The following AFF3 variants were observed in gnomAD, a reference collection of about 807,000 sequenced individuals.
AFF3 encodes the protein AF4/FMR2 family member 3.
Under a neutral mutation model 129.7 loss-of-function variants are expected in AFF3, and 32 were observed. That is an observed-to-expected ratio of 0.25 (90% confidence interval 0.19 to 0.33). The LOEUF (loss-of-function observed/expected upper bound fraction) is 0.33, where lower values mean the gene tolerates loss of function less well. Among genes scored for constraint, AFF3 ranks in the 10% least tolerant of loss-of-function variants. AFF3 has a pLI of 1.00. For missense variants in AFF3, 1,373 were observed against 1,592.0 expected, an observed-to-expected ratio of 0.86 and a Z score of 2.34; for synonymous variants, 644 against 635.4, an observed-to-expected ratio of 1.01 and a Z score of -0.20.
At chr2:100,063,747 A>G (rs1168969674) in intron 4 of AFF3, among the ~76,000 whole-genome samples, 2 of 152,198 alleles carry the variant, frequency 1.3e-5, no homozygotes, top group Non-Finnish European at 2.9e-5. Flanking sequence ...AGATGTTTCC[A>G]GGAGTGTTAA....
At chr2:100,019,215 C>T (rs1683385360) in intron 4 of AFF3, among the ~76,000 whole-genome samples, 1 of 152,120 alleles carries the variant, frequency 6.6e-6, no homozygotes, top group Non-Finnish European at 1.5e-5. Flanking sequence ...TCATGCTCTT[C>T]CCGAATCCAA....
At chr2:100,000,457 C>T (rs1428577169) in intron 7 of AFF3, among the ~76,000 whole-genome samples, 1 of 152,066 alleles carries the variant, frequency 6.6e-6, no homozygotes, top group African/African-American at 2.4e-5. Context: ...TTCAAGATTT[C>T]AGTTATTTCT....
chr2:100,006,419 G>A (rs1681975971), intron 7 of AFF3: 2 of 569,130 alleles, frequency 3.5e-6, no homozygotes, highest in Non-Finnish European at 5.7e-6. Flanking sequence ...AACTGCATTT[G>A]CTGGAACTCT....
At chr2:99,943,185 C>T (rs1675223554) in intron 7 of AFF3, among the ~76,000 whole-genome samples, 1 of 152,094 alleles carries the variant, frequency 6.6e-6, no homozygotes, top group South Asian at 2.1e-4. Context: ...AGAGCAACAG[C>T]CCCCAGGATC....
chr2:100,056,422 T>C (rs1686792347), intron 4 of AFF3, among the ~76,000 whole-genome samples: 2 of 152,186 alleles, frequency 1.3e-5, no homozygotes, highest in African/African-American at 4.8e-5. Context: ...AAACCATGCT[T>C]TCCCCCTTGA....
Position 99,606,678 on chromosome 2 carries a change from G to A in AFF3, c.1185-5057C>T, listed in dbSNP as rs1254447868. 3.9e-5 allele frequency among the ~76,000 whole-genome samples: 6 copies of A among 152,134 alleles called. No homozygotes were observed. The East Asian group carries it at 1.2e-3, about 29-fold the overall frequency. Reference sequence around the variant, plus strand: ...CACGTCTGTAATCCCAGCACTTTGGGAAGCCGAGGCGGGAGGATCACGAAG... The same window carrying A: ...CACGTCTGTAATCCCAGCACTTTGGAAAGCCGAGGCGGGAGGATCACGAAG... On this transcript the variant is annotated intron_variant, in intron 13 of 24. Transcript: ENST00000672756.
At chr2:99,981,721 A>G (rs923211325) in intron 7 of AFF3, among the ~76,000 whole-genome samples, 1 of 152,300 alleles carries the variant, frequency 6.6e-6, no homozygotes, top group Middle Eastern at 3.4e-3. Flanking sequence ...ATTGATATAT[A>G]AGAGTACTTC....
At chr2:99,848,251 A>AAAAAAT (rs59558629) in intron 7 of AFF3, among the ~76,000 whole-genome samples, 90,730 of 148,064 alleles carry the variant, frequency 0.61, 28,935 homozygotes, top group South Asian at 0.75. Context: ...CTCTGCCTCA[A>AAAAAAT]AAAAATAAAA....
At chr2:99,629,069 G>T (rs1575547507) in intron 13 of AFF3, among the ~76,000 whole-genome samples, 1 of 151,998 alleles carries the variant, frequency 6.6e-6, no homozygotes, top group East Asian at 1.9e-4. Flanking sequence ...TGTTGGCCAG[G>T]CTGGTCTCAA....
chr2:99,619,853 C>T (rs1221340537), intron 13 of AFF3, among the ~76,000 whole-genome samples: 1 of 152,190 alleles, frequency 6.6e-6, no homozygotes, highest in Non-Finnish European at 1.5e-5. Context: ...CACCACACGC[C>T]CATGACTAAG....
At chr2:99,783,823 GC>G (rs1192122095) in intron 8 of AFF3, among the ~76,000 whole-genome samples, 7 of 152,154 alleles carry the variant, frequency 4.6e-5, no homozygotes, top group African/African-American at 9.7e-5. Flanking sequence ...ACATGACAGG[GC>G]CCCCCTGGAA....
Position 99,984,409 on chromosome 2 carries a change from T to C in AFF3, c.873+22223A>G, listed in dbSNP as rs552155366. ...TTTATGCGAAGTCCTTACTTTAGTA[T>C]GCTAGGAAACATATTGAGAGGAAAT... On this transcript the variant is annotated intron_variant, in intron 7 of 24. Coordinates refer to ENST00000672756, the MANE Select transcript of AFF3 (RefSeq NM_001386135.1). 2.0e-5 allele frequency among the ~76,000 whole-genome samples: 3 copies of C among 152,314 alleles called. No individual in the cohort carries two copies. The South Asian group carries it at 6.2e-4, about 32-fold the overall frequency.
intron 7 of AFF3, among the ~76,000 whole-genome samples, chr2:99,872,834 A>C (rs971089086): frequency 6.6e-6 from 1 of 152,214 alleles, no homozygotes; most frequent in Non-Finnish European, 1.5e-5. Flanking sequence ...CATCAAAAAA[A>C]TTCTTTAAGT....
At chr2:99,813,771 C>T (rs1291031964) in intron 8 of AFF3, among the ~76,000 whole-genome samples, 1 of 152,216 alleles carries the variant, frequency 6.6e-6, no homozygotes, top group Non-Finnish European at 1.5e-5. Flanking sequence ...CTCAACAACT[C>T]TGCTTTATTT....
chr2:99,750,807 T>G (rs1188133620), intron 9 of AFF3, among the ~76,000 whole-genome samples: 1 of 152,194 alleles, frequency 6.6e-6, no homozygotes, highest in Non-Finnish European at 1.5e-5. Context: ...TTAGAGGCAT[T>G]CAAAGAGGCA....
At chr2:99,568,079 G>A (rs1559486240) in intron 19 of AFF3, among the ~76,000 whole-genome samples, 1 of 152,180 alleles carries the variant, frequency 6.6e-6, no homozygotes, top group Non-Finnish European at 1.5e-5. Context: ...GGTAGCATTG[G>A]AAGAGGGGTA....
intron 7 of AFF3, among the ~76,000 whole-genome samples, chr2:99,866,398 A>G (rs1285099845): frequency 6.6e-6 from 1 of 152,220 alleles, no homozygotes; most frequent in Non-Finnish European, 1.5e-5. Flanking sequence ...AAAAAAGCCC[A>G]GCCATGCACT....
intron 7 of AFF3, among the ~76,000 whole-genome samples, chr2:99,932,255 T>C (rs189626010): frequency 3.3e-5 from 5 of 152,300 alleles, no homozygotes; most frequent in Non-Finnish European, 7.4e-5. Flanking sequence ...GTTTATTTTA[T>C]GTGTGGCCCA....
intron 11 of AFF3, among the ~76,000 whole-genome samples, chr2:99,680,438 G>C (rs886920835): frequency 2.0e-5 from 3 of 152,216 alleles, no homozygotes; most frequent in Admixed American, 6.5e-5. Context: ...GCAGACAGCA[G>C]AGGACAGGTC....
Sources: gnomAD v4.1 joint callset for allele counts (sites outside exome capture counted in the v4.1 genomes callset) on GRCh38, gnomAD v4.1.1 for gene constraint, MANE v1.5 for transcripts, NCBI Gene and HGNC (gene_info 2026-07-23, HGNC 2026-07-21) for gene names.